TUBGCP3: variants seen among roughly 807,000 people sequenced by gnomAD.
The protein encoded by TUBGCP3 is gamma-tubulin complex component 3.
TUBGCP3 carries 50 observed loss-of-function variants against 123.1 expected under a neutral mutation model. The ratio of observed to expected loss-of-function variants is 0.41; its 90% CI spans 0.32 to 0.51. TUBGCP3 has a LOEUF of 0.51. Ranked by LOEUF, TUBGCP3 falls within the 20% of genes least tolerant of loss-of-function variation. The pLI, the probability that TUBGCP3 is intolerant of heterozygous loss-of-function variation, is 0.36. For synonymous variants in TUBGCP3, 405 were observed against 413.9 expected, an observed-to-expected ratio of 0.98 and a Z score of 0.26; for missense variants, 882 against 1,127.0, an observed-to-expected ratio of 0.78 and a Z score of 3.11.
intron 1 of TUBGCP3, among the ~76,000 whole-genome samples, chr13:112,584,499 A>T (rs1882478352): frequency 6.6e-6 from 1 of 152,250 alleles, no homozygotes; most frequent in Non-Finnish European, 1.5e-5. Flanking sequence ...TTGGAACTTC[A>T]TCAAAAGCTC....
At chr13:112,528,066 CAGG>C (rs1877278016) in intron 11 of TUBGCP3, among the ~76,000 whole-genome samples, 1 of 152,354 alleles carries the variant, frequency 6.6e-6, no homozygotes, top group Admixed American at 6.5e-5. Flanking sequence ...CATCTGTGCT[CAGG>C]AGCTTTCTTC....
intron 11 of TUBGCP3, among the ~76,000 whole-genome samples, chr13:112,533,200 G>A (rs7994169): frequency 0.15 from 22,690 of 152,276 alleles, 1,963 homozygotes; most frequent in Non-Finnish European, 0.2. Context: ...GGAAGTCCCC[G>A]AGGAATAGCA....
At chr13:112,502,137 T>A (rs1439797369) in intron 19 of TUBGCP3, among the ~76,000 whole-genome samples, 1 of 152,204 alleles carries the variant, frequency 6.6e-6, no homozygotes, top group East Asian at 1.9e-4. Context: ...CTAACACCTA[T>A]CTGCCAGCCA....
At chr13:112,497,056 A>C (rs1247248757) in intron 20 of TUBGCP3, among the ~76,000 whole-genome samples, 1 of 152,152 alleles carries the variant, frequency 6.6e-6, no homozygotes, top group Non-Finnish European at 1.5e-5. Flanking sequence ...CTAGAAGGGA[A>C]GCTTCTTGGG....
Position 112,545,611 on chromosome 13 carries a change from T to C in TUBGCP3, c.1335+88A>G, listed in dbSNP as rs1878922749. The C allele has an allele frequency of 2.0e-6, 3 of 1,477,270 alleles. No individual in the cohort carries two copies. Among genetic ancestry groups the C allele is most frequent in the South Asian group, 1.2e-5 (1 of 83,818 alleles). 91.5% of individuals were successfully genotyped at this position (1,477,270 alleles called of 1,614,324 possible). A position where few individuals can be genotyped will look rare whatever the true frequency, so the allele number is the denominator to read the frequency against. On this transcript the variant is annotated intron_variant, in intron 11 of 21. Coordinates refer to ENST00000261965, the MANE Select transcript of TUBGCP3 (RefSeq NM_006322.6). This position sits in a 1 kb window ranked among gnomAD's most constrained non-coding sequence, Gnocchi z 4.1. The stretch of plus-strand genomic sequence containing the variant: ...CAGTTGCATTCCTGTTAGGAGAACA[T>C]GGTAATCATGAGGGGAAAAATGAAA...
intron 1 of TUBGCP3, among the ~76,000 whole-genome samples, chr13:112,583,149 G>T (rs536532345): frequency 2.6e-5 from 4 of 152,240 alleles, no homozygotes; most frequent in Admixed American, 2.6e-4. Flanking sequence ...AGAAAATGAG[G>T]TTCACCATAA....
At chr13:112,589,181 A>G (rs1882817242), upstream of TUBGCP3, among the ~76,000 whole-genome samples, 1 of 152,218 alleles carries the variant, frequency 6.6e-6, no homozygotes, top group Admixed American at 6.5e-5. Flanking sequence ...CATCACACTC[A>G]ACACGATCAG....
At chr13:112,555,732 C>T (rs569370943) in intron 6 of TUBGCP3, among the ~76,000 whole-genome samples, 45 of 152,152 alleles carry the variant, frequency 3.0e-4, no homozygotes, top group African/African-American at 9.6e-4. Flanking sequence ...AAAGACTTTC[C>T]CAGGGAAACG....
In TUBGCP3 at chr13:112,578,558, C is replaced by CAAAAAAAAAA. The variant is rs71131496; in HGVS notation, c.77-9309_77-9300dup. Among the ~76,000 whole-genome samples, 37 of 24,910 alleles carry CAAAAAAAAAA rather than the reference C, an allele frequency of 1.5e-3. 2 individuals are homozygous for CAAAAAAAAAA. The highest frequency in any genetic ancestry group is 1.5e-3 in the African/African-American group (10 of 6,750). The allele number at this position is 24,910 out of a possible 152,430, so 16.3% of individuals were successfully genotyped here. On this transcript the variant is annotated intron_variant, in intron 1 of 21. Coordinates refer to ENST00000261965, the MANE Select transcript of TUBGCP3 (RefSeq NM_006322.6). ...TGGGCGAAAGAGTGAGACTCCGTCTCAAAAAAAAAAAAAAAAAAAAAAAAA... is the reference window on the plus strand; with the variant it reads ...TGGGCGAAAGAGTGAGACTCCGTCTCAAAAAAAAAAAAAAAAAAAAAAAAAAAAAAAAAAA...
chr13:112,558,235 A>C lies in TUBGCP3; in HGVS notation c.509T>G (p.Leu170Arg), dbSNP rs375662576. 7 of 1,612,242 alleles carry C rather than the reference A, an allele frequency of 4.3e-6. No individual in the cohort carries two copies. The African/African-American group carries it at 6.7e-5, about 15-fold the overall frequency. The change falls in exon 5 of 22, where the codon CTC (leucine) becomes CGC (arginine). Residue 170 changes from leucine (L) to arginine (R), a missense_variant. Physicochemically the swap from Leu to Arg is moderately radical, Grantham distance 102. Transcript: ENST00000261965. ...TTGTGGCGCAGGCGCGGGGCCACTG[A>C]GGGCACACAGGCCAATGCTGCTGAT... is the stretch of plus-strand genomic sequence containing the variant. ...SGISSIGLCA[L>R]SGPAPAPQSL...
At chr13:112,600,016 G>C in the TUBGCP3 span, among the ~76,000 whole-genome samples, 1 of 152,204 alleles carries the variant, frequency 6.6e-6, no homozygotes, top group East Asian at 1.9e-4. Context: ...TATTAACTGA[G>C]GTCCACAGTT....
intron 5 of TUBGCP3, among the ~76,000 whole-genome samples, chr13:112,556,955 T>G (rs1308830474): frequency 6.6e-6 from 1 of 152,178 alleles, no homozygotes; most frequent in African/African-American, 2.4e-5. Context: ...TGCTCTACAG[T>G]TTCCAGGTGC....
At chr13:112,505,068 G>C (rs1881201230) in intron 17 of TUBGCP3, among the ~76,000 whole-genome samples, 2 of 152,180 alleles carry the variant, frequency 1.3e-5, no homozygotes, top group Admixed American at 1.3e-4. Flanking sequence ...CAATTAGTTT[G>C]CCTGCTGTGC....
chr13:112,601,432 T>C, the TUBGCP3 span, among the ~76,000 whole-genome samples: 1 of 151,998 alleles, frequency 6.6e-6, no homozygotes, highest in African/African-American at 2.4e-5. Context: ...TTGAGATGAG[T>C]GTGGATTCAT....
chr13:112,552,182 T>C (rs2139200639), intron 8 of TUBGCP3, among the ~76,000 whole-genome samples: 1 of 152,188 alleles, frequency 6.6e-6, no homozygotes, highest in East Asian at 1.9e-4. Flanking sequence ...GATACTACTA[T>C]AGTGATGATC....
chr13:112,556,874 C>T (rs1389936538), intron 5 of TUBGCP3, among the ~76,000 whole-genome samples: 2 of 152,162 alleles, frequency 1.3e-5, no homozygotes, highest in African/African-American at 4.8e-5. Flanking sequence ...TTTCTAATAG[C>T]GTCAGTTTTG....
intron 1 of TUBGCP3, among the ~76,000 whole-genome samples, chr13:112,571,213 C>T (rs1463747581): frequency 6.6e-6 from 1 of 152,134 alleles, no homozygotes; most frequent in Non-Finnish European, 1.5e-5. Flanking sequence ...TTTACTTTGC[C>T]CAGATCCATC....
Position 112,545,930 on chromosome 13 carries a change from C to T in TUBGCP3, c.1169-65G>A. On this transcript the variant is annotated intron_variant, in intron 10 of 21. Coordinates refer to ENST00000261965, the MANE Select transcript of TUBGCP3 (RefSeq NM_006322.6). The surrounding 1 kb of genome is among the most constrained non-coding windows in gnomAD (Gnocchi z 4.1). ...TTACACTCATAGTACACACCAGTCA[C>T]TTCTCACCAACCAAAGACGCCCAAG... is the stretch of plus-strand genomic sequence containing the variant. 6.4e-7 allele frequency: 1 copy of T among 1,550,992 alleles called. No homozygotes were observed. Among genetic ancestry groups the T allele is most frequent in the South Asian group, 1.2e-5 (1 of 86,410 alleles).
At chr13:112,543,703 C>T (rs1878719094) in intron 11 of TUBGCP3, among the ~76,000 whole-genome samples, 1 of 152,018 alleles carries the variant, frequency 6.6e-6, no homozygotes, top group Admixed American at 6.6e-5. Context: ...TCAGTTAAGG[C>T]TCAGTCAACA....
Sources: allele counts gnomAD v4.1 joint callset (sites outside exome capture counted in the v4.1 genomes callset), GRCh38; gene constraint gnomAD v4.1.1; non-coding constraint Gnocchi (gnomAD v3.1); transcripts MANE v1.5; gene names NCBI Gene and HGNC (gene_info 2026-07-23, HGNC 2026-07-21).